Variants in PDE3B observed in about 807,000 individuals in gnomAD.
The protein encoded by PDE3B is cGMP-inhibited 3',5'-cyclic phosphodiesterase 3B.
Under a neutral mutation model 116.8 loss-of-function variants are expected in PDE3B, and 66 were observed. That is an observed-to-expected ratio of 0.56 (90% CI 0.46 to 0.69). The LOEUF is 0.69. Ranked by LOEUF, PDE3B falls within the 30% of genes least tolerant of loss-of-function variation. The pLI is 0.00. For synonymous variants in PDE3B, 595 were observed against 533.6 expected (o/e 1.12, Z -1.59); for missense variants, 1,384 against 1,368.1 (o/e 1.01, Z -0.18).
the PDE3B span, chr11:14,880,264 G>A: frequency 3.1e-6 from 5 of 1,613,050 alleles, no homozygotes; most frequent in South Asian, 2.2e-5. Flanking sequence ...AGTAGATGAT[G>A]GGTCATTTTT....
intron 1 of PDE3B, among the ~76,000 whole-genome samples, chr11:14,770,717 T>G (rs1256487829): frequency 6.6e-6 from 1 of 151,604 alleles, no homozygotes; most frequent in East Asian, 1.9e-4. Flanking sequence ...TCTGAGTGAT[T>G]GTACTGTGTC....
chr11:14,685,930 GTGATTC>G (rs1459470197), intron 1 of PDE3B, among the ~76,000 whole-genome samples: 1 of 152,198 alleles, frequency 6.6e-6, no homozygotes, highest in Non-Finnish European at 1.5e-5. Context: ...TCTAGCCAGA[GTGATTC>G]TACCTATGCC....
At chr11:14,690,416 A>G (rs970366421) in intron 1 of PDE3B, among the ~76,000 whole-genome samples, 2 of 152,202 alleles carry the variant, frequency 1.3e-5, no homozygotes, top group African/African-American at 4.8e-5. Flanking sequence ...CCTTACATAT[A>G]ATTGCCATAT....
At chr11:14,708,618 A>T (rs932465108) in intron 1 of PDE3B, among the ~76,000 whole-genome samples, 2 of 152,040 alleles carry the variant, frequency 1.3e-5, no homozygotes, top group Non-Finnish European at 2.9e-5. Flanking sequence ...AGTAAATCTG[A>T]TGCAGGTATT....
At chr11:14,663,415 A>C (rs1450796906) in intron 1 of PDE3B, among the ~76,000 whole-genome samples, 1 of 152,160 alleles carries the variant, frequency 6.6e-6, no homozygotes, top group Non-Finnish European at 1.5e-5. Flanking sequence ...GAGCAAAATA[A>C]CCAGCTAACA....
Position 14,654,733 on chromosome 11 carries a change from G to A in PDE3B, c.978+9680G>A, listed in dbSNP as rs1853659360. 2.0e-5 allele frequency among the ~76,000 whole-genome samples: 3 copies of A among 151,586 alleles called. No homozygotes were observed. The South Asian group carries it at 6.3e-4, about 32-fold the overall frequency. ...GTATGTTAAAAAGTTATATTTCAAG[G>A]GGAGGGCTAAGAGTTTGACTTTAAA... On this transcript the variant is annotated intron_variant, in intron 1 of 15. Coordinates refer to ENST00000282096, the MANE Select transcript of PDE3B (RefSeq NM_000922.4).
At chr11:14,726,645 G>A (rs1409821354) in intron 1 of PDE3B, among the ~76,000 whole-genome samples, 2 of 152,142 alleles carry the variant, frequency 1.3e-5, no homozygotes, top group Admixed American at 6.5e-5. Context: ...AACCAGGAGA[G>A]ACATATCATT....
chr11:14,884,727 A>C, the PDE3B span, among the ~76,000 whole-genome samples: 1 of 152,006 alleles, frequency 6.6e-6, no homozygotes, highest in African/African-American at 2.4e-5. Context: ...AAAAAAACAC[A>C]TAATTTTCTA....
chr11:14,849,826 A>C (rs1239018947), intron 12 of PDE3B, among the ~76,000 whole-genome samples: 1 of 152,086 alleles, frequency 6.6e-6, no homozygotes, highest in Admixed American at 6.5e-5. Flanking sequence ...ATCATTAAAA[A>C]GTCAGGAAAC....
intron 10 of PDE3B, among the ~76,000 whole-genome samples, chr11:14,833,186 C>G (rs1859953320): frequency 6.6e-6 from 1 of 152,128 alleles, no homozygotes; most frequent in Non-Finnish European, 1.5e-5. Context: ...CTCCTGACCT[C>G]TGGTGATCCA....
intron 1 of PDE3B, among the ~76,000 whole-genome samples, chr11:14,691,903 A>G (rs1472841797): frequency 1.3e-5 from 2 of 152,184 alleles, no homozygotes; most frequent in East Asian, 3.8e-4. Flanking sequence ...GTTTACTAAG[A>G]TCAAATCATT....
intron 1 of PDE3B, among the ~76,000 whole-genome samples, chr11:14,762,854 AG>A (rs770581338): frequency 8.5e-5 from 13 of 152,254 alleles, no homozygotes; most frequent in Non-Finnish European, 1.9e-4. Context: ...GCCTAAGCCA[AG>A]GTAATGATGG....
intron 12 of PDE3B, among the ~76,000 whole-genome samples, chr11:14,846,152 T>G (rs564795273): frequency 1.3e-5 from 2 of 152,136 alleles, no homozygotes; most frequent in Admixed American, 1.3e-4. Flanking sequence ...CAGCAGAAAC[T>G]CTACAAGCCA....
the PDE3B span, among the ~76,000 whole-genome samples, chr11:14,893,359 G>A: frequency 6.6e-6 from 1 of 152,226 alleles, no homozygotes; most frequent in African/African-American, 2.4e-5. Flanking sequence ...GTCTTATTAG[G>A]AAGATGACAT....
intron 7 of PDE3B, among the ~76,000 whole-genome samples, chr11:14,824,313 T>C (rs1422401700): frequency 2.6e-5 from 4 of 151,958 alleles, no homozygotes; most frequent in African/African-American, 7.3e-5. Context: ...ATGACAGAAA[T>C]AGAATTCAGA....
At chr11:14,734,357 C>T (rs1856541449) in intron 1 of PDE3B, among the ~76,000 whole-genome samples, 2 of 152,230 alleles carry the variant, frequency 1.3e-5, no homozygotes, top group Admixed American at 1.3e-4. Flanking sequence ...AGGCATGAGC[C>T]ACTGCACCCA....
At chr11:14,891,420 C>G in the PDE3B span, 1 of 985,888 alleles carries the variant, frequency 1.0e-6, no homozygotes, top group Non-Finnish European at 1.2e-6. Flanking sequence ...TTCACGCGTT[C>G]ACAATCGTTT....
chr11:14,796,288 C>CTG (rs1858550848), intron 4 of PDE3B, among the ~76,000 whole-genome samples: 1 of 152,084 alleles, frequency 6.6e-6, no homozygotes, highest in Non-Finnish European at 1.5e-5. Flanking sequence ...ATGGACACTT[C>CTG]GGTTGGTTCC....
chr11:14,725,424 T>G (rs1336412680), intron 1 of PDE3B, among the ~76,000 whole-genome samples: 1 of 139,434 alleles, frequency 7.2e-6, no homozygotes, highest in Non-Finnish European at 1.6e-5. Context: ...TCTTTTCCCT[T>G]CCTTCCTTCC....
Sources: allele counts gnomAD v4.1 joint callset (sites outside exome capture counted in the v4.1 genomes callset), GRCh38; gene constraint gnomAD v4.1.1; transcripts MANE v1.5; gene names NCBI Gene and HGNC (gene_info 2026-07-23, HGNC 2026-07-21).